Variants in ANK2 observed in about 807,000 individuals in gnomAD.
The protein encoded by ANK2 is ankyrin-2.
In ANK2, 83 loss-of-function variants were observed where a neutral mutation model predicts 360.5. The observed-to-expected ratio is 0.23, with a 90% CI of 0.19 to 0.28. The LOEUF is 0.28. Ranked by LOEUF, ANK2 falls within the 10% of genes least tolerant of loss-of-function variation. ANK2 has a pLI of 1.00. For synonymous variants in ANK2, 1,740 were observed against 1,759.5 expected, an observed-to-expected ratio of 0.99 and a Z score of 0.28; for missense variants, 4,201 against 4,795.7, an observed-to-expected ratio of 0.88 and a Z score of 3.66.
chr4:113,325,882 A>C (rs2089546647), intron 26 of ANK2, among the ~76,000 whole-genome samples: 1 of 152,198 alleles, frequency 6.6e-6, no homozygotes, highest in Non-Finnish European at 1.5e-5. Flanking sequence ...TCAATCTTAA[A>C]GATCATAGAT....
intron 2 of ANK2, among the ~76,000 whole-genome samples, chr4:113,027,718 A>ACTGCTG (rs1246528331): frequency 6.6e-6 from 1 of 152,158 alleles, no homozygotes; most frequent in African/African-American, 2.4e-5. Context: ...ATTTGCAGAA[A>ACTGCTG]ATTAAACGTA....
At position 113,302,788 on chromosome 4, in the gene ANK2, C is replaced by T. The variant is rs2075602407; in HGVS notation, c.2497C>T (p.Leu833=). 5 of 1,613,842 alleles carry T rather than the reference C, an allele frequency of 3.1e-6. No homozygotes were observed. Among genetic ancestry groups the T allele is most frequent in the Admixed American group, 1.7e-5 (1 of 60,014 alleles). The change falls in exon 23 of 46, where the codon CTA becomes TTA. Residue 833 remains leucine (L), a synonymous_variant. Transcript: ENST00000357077. The part of the protein sequence containing the change: ...TTTTITEKHK[L]NVPETMTEVL... Reference sequence around the variant, plus strand: ...CCAGACTATTACAGAAAAACACAAACTAAATGTACCTGAGACGATGACTGA... The same window carrying T: ...CCAGACTATTACAGAAAAACACAAATTAAATGTACCTGAGACGATGACTGA...
intron 1 of ANK2, among the ~76,000 whole-genome samples, chr4:112,900,849 A>G (rs1638992290): frequency 6.6e-6 from 1 of 152,210 alleles, no homozygotes; most frequent in Admixed American, 6.5e-5. Context: ...TATAAAAGCA[A>G]CTATGTGTAA....
At chr4:112,991,619 CT>C (rs35505334) in intron 2 of ANK2, among the ~76,000 whole-genome samples, 91 of 125,806 alleles carry the variant, frequency 7.2e-4, no homozygotes, top group Middle Eastern at 4.3e-3. Context: ...TTCTTTCTTT[CT>C]TTTTTTTTTT....
chr4:112,754,928 T>G, the ANK2 span, among the ~76,000 whole-genome samples: 13 of 152,148 alleles, frequency 8.5e-5, no homozygotes, highest in Non-Finnish European at 1.6e-4. Flanking sequence ...AGATGAAGAT[T>G]TTTTTACTTT....
chr4:112,814,434 TTTTTTTGTTTG>T (rs2055500946), upstream of ANK2, among the ~76,000 whole-genome samples: 1 of 61,068 alleles, frequency 1.6e-5, no homozygotes, highest in East Asian at 1.1e-3. Context: ...CGTTTTTTTG[TTTTTTTGTTTG>T]TTTGTTTGTT....
chr4:112,944,093 AT>A (rs1456844617), intron 2 of ANK2, among the ~76,000 whole-genome samples: 5 of 152,202 alleles, frequency 3.3e-5, no homozygotes, highest in African/African-American at 1.2e-4. Flanking sequence ...AAACACATGT[AT>A]AAAGGTTATC....
chr4:112,875,972 C>G (rs1258278703), intron 1 of ANK2, among the ~76,000 whole-genome samples: 2 of 141,270 alleles, frequency 1.4e-5, no homozygotes, highest in Non-Finnish European at 3.1e-5. Flanking sequence ...CCAGGCTGGT[C>G]TTGAACTCCT....
At chr4:113,319,084 G>T (rs750390110) in intron 26 of ANK2, among the ~76,000 whole-genome samples, 2 of 152,080 alleles carry the variant, frequency 1.3e-5, no homozygotes, top group African/African-American at 2.4e-5. Context: ...AATATATAGA[G>T]GAGTTTATAT....
At chr4:113,208,532 T>C (rs776977907) in intron 4 of ANK2, among the ~76,000 whole-genome samples, 14 of 151,716 alleles carry the variant, frequency 9.2e-5, no homozygotes, top group Non-Finnish European at 1.6e-4. Context: ...AGATGGAATC[T>C]CACTCTGTCA....
At chr4:113,374,600 T>C (rs566119422) in intron 45 of ANK2, among the ~76,000 whole-genome samples, 1 of 152,236 alleles carries the variant, frequency 6.6e-6, no homozygotes, top group African/African-American at 2.4e-5. Context: ...ATATTACCAA[T>C]AGGTTATAGT....
upstream of ANK2, among the ~76,000 whole-genome samples, chr4:113,048,277 T>TATATATATATA (rs1491332643): frequency 4.7e-4 from 16 of 33,818 alleles, no homozygotes; most frequent in East Asian, 1.1e-3. Flanking sequence ...TATATATATA[T>TATATATATATA]TTTTTTTTTT....
chr4:112,788,202 C>G, the ANK2 span: 1 of 1,590,104 alleles, frequency 6.3e-7, no homozygotes, highest in Non-Finnish European at 8.5e-7. Flanking sequence ...TCGTATCTGT[C>G]ATTGTAATTG....
At chr4:113,236,758 T>C (rs1294359570) in intron 5 of ANK2, among the ~76,000 whole-genome samples, 2 of 152,230 alleles carry the variant, frequency 1.3e-5, no homozygotes, top group Non-Finnish European at 2.9e-5. Flanking sequence ...TGTTAAGGAA[T>C]GCGGATGTTT....
rs146981126 is a variant in ANK2, at chr4:112,997,197, G to C, written c.21+92683G>C. Among the ~76,000 whole-genome samples, 14 of 152,094 alleles carry C rather than the reference G, an allele frequency of 9.2e-5. No individual in the cohort carries two copies. In the East Asian group the frequency reaches 2.3e-3, roughly 25 times the overall value. On this transcript the variant is annotated intron_variant, in intron 2 of 30. Coordinates refer to the ANK2 transcript ENST00000503271. ...GTGAAATATGTATGCACTGTGGAAT[G>C]GCTAAATCAAGCTAATTAACACATG...
At chr4:113,057,365 T>A (rs1043177083) in intron 1 of ANK2, among the ~76,000 whole-genome samples, 4 of 152,144 alleles carry the variant, frequency 2.6e-5, no homozygotes, top group African/African-American at 7.2e-5. Flanking sequence ...TTATGGCTAA[T>A]GTGTGAGTAT....
chr4:113,149,132 T>C (rs2096941644), intron 1 of ANK2: 1 of 152,200 alleles, frequency 6.6e-6, no homozygotes, highest in South Asian at 2.1e-4. Context: ...GGGAGACCAG[T>C]TTAACTGGTT....
intron 4 of ANK2, among the ~76,000 whole-genome samples, chr4:113,225,410 G>T (rs777714155): frequency 3.3e-5 from 5 of 152,050 alleles, no homozygotes; most frequent in Non-Finnish European, 5.9e-5. Flanking sequence ...GTGCTATAAA[G>T]ACTGTTGAAA....
intron 2 of ANK2, among the ~76,000 whole-genome samples, chr4:112,908,347 A>G (rs1425140052): frequency 6.6e-6 from 1 of 152,228 alleles, no homozygotes; most frequent in African/African-American, 2.4e-5. Context: ...ACTGCAAATC[A>G]CCAGCAAATG....
Sources: gnomAD v4.1 joint callset for allele counts (sites outside exome capture counted in the v4.1 genomes callset) on GRCh38, gnomAD v4.1.1 for gene constraint, MANE v1.5 for transcripts, NCBI Gene and HGNC (gene_info 2026-07-23, HGNC 2026-07-21) for gene names.